The following EFTUD2 variants were observed in gnomAD, a reference collection of about 807,000 sequenced individuals.
EFTUD2 encodes 116 kDa U5 small nuclear ribonucleoprotein component.
Under a neutral mutation model 114.3 loss-of-function variants are expected in EFTUD2, and 9 were observed. The observed-to-expected ratio is 0.08, with a 90% confidence interval of 0.05 to 0.14. The LOEUF is 0.14. EFTUD2 is among the 10% of genes least tolerant of loss of function. The pLI, the probability that EFTUD2 is intolerant of heterozygous loss-of-function variation, is 1.00. For synonymous variants in EFTUD2, 449 were observed against 462.3 expected, an observed-to-expected ratio of 0.97 and a Z score of 0.37; for missense variants, 765 against 1,241.2, an observed-to-expected ratio of 0.62 and a Z score of 5.76.
intron 26 of EFTUD2, 121 bp downstream of exon 26, chr17:44,852,288 G>T: frequency 7.9e-7 from 1 of 1,261,334 alleles, no homozygotes; most frequent in Non-Finnish European, 1.1e-6. Context: ...GCTCCCCAGA[G>T]GAGGACTCTT....
intron 2 of EFTUD2, among the ~76,000 whole-genome samples, chr17:44,889,951 G>C (rs1389784026): frequency 6.6e-6 from 1 of 152,136 alleles, no homozygotes; most frequent in Non-Finnish European, 1.5e-5. Flanking sequence ...AGCTCAACAA[G>C]TCTAAACAAA....
In EFTUD2 at chr17:44,866,089, C is replaced by T. The variant is rs567002565; in HGVS notation, c.1150-1024G>A. 1.1e-4 allele frequency among the ~76,000 whole-genome samples: 17 copies of T among 152,294 alleles called. No individual in the cohort carries two copies. The South Asian group carries it at 1.2e-3, about 11-fold the overall frequency. ...CCTCCCAAAGTGCTGGAATTACAGG[C>T]GTGAGCAACCACATCCGGCCACGTT... On this transcript the variant is annotated intron_variant, in intron 13 of 27. Transcript: ENST00000426333.
At position 44,851,390 on chromosome 17, in the gene EFTUD2, A is replaced by G. The variant is rs756853277; in HGVS notation, c.2824-21T>C. On this transcript the variant is annotated intron_variant, in intron 27 of 27. Transcript: ENST00000426333. ...AGGCCCTGCAGGGAATGGGGCAAATATAAGAAAGCCCGAGGTGGTCGCAGA... is the reference window on the plus strand; with the variant it reads ...AGGCCCTGCAGGGAATGGGGCAAATGTAAGAAAGCCCGAGGTGGTCGCAGA... 17 of 1,597,392 alleles carry G rather than the reference A, an allele frequency of 1.1e-5. No homozygotes were observed. The South Asian group carries it at 1.3e-4, about 12-fold the overall frequency.
intron 18 of EFTUD2, chr17:44,859,486 C>T (rs2050616874): frequency 3.9e-6 from 2 of 510,344 alleles, no homozygotes. Flanking sequence ...GCCCTCCTGG[C>T]CTGCTACCTG....
intron 16 of EFTUD2, among the ~76,000 whole-genome samples, chr17:44,861,958 A>C (rs932773577): frequency 6.6e-6 from 1 of 152,174 alleles, no homozygotes; most frequent in Non-Finnish European, 1.5e-5. Context: ...GGATGCTACA[A>C]GGGATCCAGC....
At chr17:44,863,932 T>G in intron 14 of EFTUD2, 150 bp from the exon 15 acceptor site, 8 of 1,026,208 alleles carry the variant, frequency 7.8e-6, no homozygotes, top group Non-Finnish European at 1.1e-5. Context: ...AGTGATAGCC[T>G]GCTTCCTGGG....
At chr17:44,867,330 C>T (rs1405659418) in intron 13 of EFTUD2, among the ~76,000 whole-genome samples, 3 of 137,028 alleles carry the variant, frequency 2.2e-5, no homozygotes, top group East Asian at 2.1e-4. Flanking sequence ...GACAGAGTCT[C>T]GCTCTGTCGC....
intron 1 of EFTUD2, among the ~76,000 whole-genome samples, chr17:44,894,783 AAGAAGGAAGAAAGAAGAC>A (rs1161233133): frequency 6.6e-6 from 1 of 152,240 alleles, no homozygotes; most frequent in Admixed American, 6.5e-5. Flanking sequence ...TTGAATAGGC[AAGAAGGAAGAAAGAAGAC>A]AGAAGGAAGA....
At chr17:44,882,371 C>A (rs2051088017) in intron 6 of EFTUD2, among the ~76,000 whole-genome samples, 1 of 152,164 alleles carries the variant, frequency 6.6e-6, no homozygotes, top group African/African-American at 2.4e-5. Context: ...CCTGCCTCAG[C>A]CCCTTGAGTA....
chr17:44,866,010 A>G (rs1567737799), intron 13 of EFTUD2, among the ~76,000 whole-genome samples: 1 of 152,148 alleles, frequency 6.6e-6, no homozygotes, highest in African/African-American at 2.4e-5. Context: ...GGGTTTAGCC[A>G]TGTTGTCCAA....
Position 44,876,141 on chromosome 17 carries a change from G to A in EFTUD2, c.703-41C>T, listed in dbSNP as rs769562427. The A allele has an allele frequency of 1.0e-5, 16 of 1,581,900 alleles. No homozygotes were observed. The African/African-American group carries it at 1.9e-4, about 19-fold the overall frequency. On this transcript the variant is annotated intron_variant, in intron 9 of 27. Transcript: ENST00000426333. ...CTCAGAAGGTGGTAAGAAGAACAAG[G>A]AGGGCAGAAAGTTCAAAGCAGAACC...
rs561243238 is a variant in EFTUD2 at position 44,873,818 on chromosome 17, G to A, written c.870-1248C>T. Among the ~76,000 whole-genome samples, 128 of 148,672 alleles carry A rather than the reference G, an allele frequency of 8.6e-4. 1 individual carries two copies. The highest frequency in any genetic ancestry group is 2.9e-3 in the African/African-American group (116 of 40,098). On this transcript the variant is annotated intron_variant, in intron 10 of 27. Coordinates refer to ENST00000426333, the MANE Select transcript of EFTUD2 (RefSeq NM_004247.4). ...GCAATCTCAGCTCACTGCAAGCTCC[G>A]TCTCCCGGGTTCACGCCATTCTCCT... is the stretch of plus-strand genomic sequence containing the variant.
At chr17:44,897,624 G>A (rs2051413995) in intron 1 of EFTUD2, among the ~76,000 whole-genome samples, 2 of 152,140 alleles carry the variant, frequency 1.3e-5, no homozygotes, top group Non-Finnish European at 2.9e-5. Context: ...GAGTGCAGTG[G>A]CACGATCTCG....
At chr17:44,891,133 AGAAAC>A (rs1209224419) in intron 2 of EFTUD2, among the ~76,000 whole-genome samples, 4 of 152,216 alleles carry the variant, frequency 2.6e-5, no homozygotes, top group African/African-American at 9.6e-5. Flanking sequence ...GAGTGGGAAA[AGAAAC>A]AGAACAATGC....
intron 13 of EFTUD2, chr17:44,865,276 TC>T: frequency 1.8e-6 from 1 of 557,244 alleles, no homozygotes; most frequent in Non-Finnish European, 3.0e-6. Context: ...CTTGGTTACA[TC>T]CCCATCCCAG....
At position 44,886,724 on chromosome 17, in the gene EFTUD2, G is replaced by A. The variant is rs1293148885; in HGVS notation, c.132C>T (p.Asp44=). 2.5e-6 allele frequency: 4 copies of A among 1,613,862 alleles called. No individual in the cohort carries two copies. The highest frequency in any genetic ancestry group is 2.2e-5 in the East Asian group (1 of 44,878). Residue 44 remains aspartate (D), a synonymous_variant, in exon 3 of 28, where the codon GAC becomes GAT. Transcript: ENST00000426333. ...GGTGGTCATCGTCATGATCTCCTAC[G>A]TCATCGTCGTCGTCATCATCATCCA... ...DEMDDDDDDD[D]VGDHDDDHPG... is the part of the protein sequence containing the mutation.
At chr17:44,879,887 A>C (rs767256312) in intron 8 of EFTUD2, among the ~76,000 whole-genome samples, 2 of 152,132 alleles carry the variant, frequency 1.3e-5, no homozygotes, top group African/African-American at 4.8e-5. Flanking sequence ...GCATGAGTCC[A>C]CACACACAGA....
rs1293477267 is a variant in EFTUD2 at position 44,883,655 on chromosome 17, A to G, written c.420T>C (p.His140=). 6 of 1,613,908 alleles carry G rather than the reference A, an allele frequency of 3.7e-6. No individual in the cohort carries two copies. The East Asian group carries it at 1.3e-4, about 36-fold the overall frequency. Residue 140 remains histidine (H), a synonymous_variant, in exon 5 of 28, where the codon CAT becomes CAC. Transcript: ENST00000426333. ...RNVTLCGHLH[H]GKTCFVDCLI... ...GCTGAAAGTTCCGTCTTACCTTGCC[A>G]TGGTGGAGATGTCCACAAAGGGTCA...
chr17:44,881,182 A>AGG, intron 7 of EFTUD2, among the ~76,000 whole-genome samples: 1 of 152,312 alleles, frequency 6.6e-6, no homozygotes, highest in East Asian at 1.9e-4. Context: ...ATTAGGAAAA[A>AGG]GAGACAGAAA....
Sources: gnomAD v4.1 joint callset for allele counts (sites outside exome capture counted in the v4.1 genomes callset) on GRCh38, gnomAD v4.1.1 for gene constraint, MANE v1.5 for transcripts, NCBI Gene and HGNC (gene_info 2026-07-23, HGNC 2026-07-21) for gene names.